USP24: variants seen among roughly 807,000 people sequenced by gnomAD.
USP24 encodes ubiquitin carboxyl-terminal hydrolase 24.
A neutral mutation model predicts 361.6 loss-of-function variants in USP24; 97 were observed. The ratio of observed to expected loss-of-function variants is 0.27; its 90% confidence interval spans 0.23 to 0.32. USP24 has a LOEUF of 0.32. Ranked by LOEUF, USP24 falls within the 10% of genes least tolerant of loss-of-function variation. USP24 has a pLI of 1.00. For synonymous variants in USP24, 1,098 were observed against 1,124.6 expected (o/e 0.98, Z 0.47); for missense variants, 2,353 against 3,165.6 (o/e 0.74, Z 6.16).
chr1:55,156,108 C>A (rs1647629881), intron 12 of USP24, among the ~76,000 whole-genome samples: 1 of 152,064 alleles, frequency 6.6e-6, no homozygotes, highest in Non-Finnish European at 1.5e-5. Context: ...CCAGGTTTTT[C>A]TCTGGCTTAC....
At chr1:55,101,128 T>A (rs1191788559) in intron 43 of USP24, among the ~76,000 whole-genome samples, 164 bp from the exon 44 acceptor site, 1 of 152,186 alleles carries the variant, frequency 6.6e-6, no homozygotes, top group Admixed American at 6.5e-5. Flanking sequence ...TCCTAGCTGG[T>A]GTAATTATGA....
intron 1 of USP24, among the ~76,000 whole-genome samples, chr1:55,205,969 GA>G (rs1459957868): frequency 1.3e-5 from 2 of 152,186 alleles, no homozygotes; most frequent in Non-Finnish European, 2.9e-5. Context: ...TCTAGTCTAA[GA>G]TGATGCCCAT....
rs1490411848 is a variant in USP24 at position 55,124,532 on chromosome 1, G to A, written c.4057C>T (p.Gln1353Ter). The change falls in exon 35 of 68, where the codon CAG becomes TAG. Residue 1353 changes from glutamine (Q) to a stop codon, truncating the protein, a stop_gained. Coordinates refer to ENST00000294383, the MANE Select transcript of USP24 (RefSeq NM_015306.3). LOFTEE classifies it high-confidence loss of function. ...AGRLDLVGSS[Q>*]PIKESNSLCP... ...AGGGAATTACTTTCTTTAATTGGCT[G>A]GCTACTCCCAACAAGATCAAGCCGT... The A allele has an allele frequency of 6.2e-7, 1 of 1,613,684 alleles. No homozygotes were observed. The highest frequency in any genetic ancestry group is 8.5e-7 in the Non-Finnish European group (1 of 1,179,854).
At position 55,146,042 on chromosome 1, in the gene USP24, T is replaced by C. The variant is rs769026923; in HGVS notation, c.2318A>G (p.Lys773Arg). Residue 773 changes from lysine (K) to arginine (R), a missense_variant, in exon 20 of 68, where the codon AAG becomes AGG. By Grantham distance (26) the Lys-to-Arg change is conservative. Around this residue, in one of 8 missense-constraint regions of USP24, gnomAD observed 949 missense variants for 1,280.5 expected, o/e 0.74. Coordinates refer to ENST00000294383, the MANE Select transcript of USP24 (RefSeq NM_015306.3). The stretch of plus-strand genomic sequence containing the variant: ...TGACTCCAATTTAAGAATTTTCTCC[T>C]TGAAGAGCTGCTGCTGAACATCACT... ...LESDVQQQLF[K>R]EKILKLESYE... The C allele has an allele frequency of 6.2e-7, 1 of 1,613,076 alleles. No individual in the cohort carries two copies. The highest frequency in any genetic ancestry group is 8.5e-7 in the Non-Finnish European group (1 of 1,179,474).
chr1:55,125,898 C>A lies in USP24; in HGVS notation c.3636-140G>T, dbSNP rs1646415325. On this transcript the variant is annotated intron_variant, in intron 32 of 67. Transcript: ENST00000294383. ...TGTCATAAAAAGAGCCTACATATATCTATCATAATAATTTCCTATGATACC... is the reference window on the plus strand; with the variant it reads ...TGTCATAAAAAGAGCCTACATATATATATCATAATAATTTCCTATGATACC... 5.8e-6 allele frequency: 4 copies of A among 691,158 alleles called. No homozygotes were observed. In the South Asian group the frequency reaches 8.6e-5, roughly 15 times the overall value. 42.8% of individuals were successfully genotyped at this position (691,158 alleles called of 1,614,324 possible).
At chr1:55,154,566 G>A (rs1281755688) in intron 13 of USP24, 100 bp from the exon 14 acceptor site, 10 of 1,469,984 alleles carry the variant, frequency 6.8e-6, no homozygotes, top group Non-Finnish European at 9.3e-6. Context: ...CGTAAGAAAA[G>A]TACATTTAAA....
In USP24 at chr1:55,068,016, C is replaced by T. The variant is rs1430598690; in HGVS notation, c.*1029G>A. The T allele has an allele frequency of 6.6e-6, 1 of 152,218 alleles. No homozygotes were observed. The highest frequency in any genetic ancestry group is 1.5e-5 in the Non-Finnish European group (1 of 68,048). 9.4% of individuals were successfully genotyped at this position (152,218 alleles called of 1,614,324 possible). A position where few individuals can be genotyped will look rare whatever the true frequency, so the allele number is the denominator to read the frequency against. ...AGAAACAAATTCTCAAATTCCTTCT[C>T]TGCATTACAATAACTATGAAACTCA... On this transcript the variant is annotated 3_prime_UTR_variant, in exon 68 of 68. Coordinates refer to ENST00000294383, the MANE Select transcript of USP24 (RefSeq NM_015306.3).
At chr1:55,192,528 T>C (rs1644316332) in intron 1 of USP24, among the ~76,000 whole-genome samples, 1 of 152,278 alleles carries the variant, frequency 6.6e-6, no homozygotes, top group South Asian at 2.1e-4. Flanking sequence ...CAGATTTGTC[T>C]ATTACTTGTG....
intron 17 of USP24, among the ~76,000 whole-genome samples, 198 bp downstream of exon 17, chr1:55,148,265 A>G (rs1647087068): frequency 7.0e-6 from 1 of 141,922 alleles, no homozygotes; most frequent in Non-Finnish European, 1.5e-5. Context: ...AAAATGAGTT[A>G]AGGAGATTAA....
chr1:55,166,570 T>C lies in USP24; in HGVS notation c.859A>G (p.Lys287Glu). The C allele has an allele frequency of 6.3e-7, 1 of 1,591,414 alleles. No homozygotes were observed. The highest frequency in any genetic ancestry group is 8.6e-7 in the Non-Finnish European group (1 of 1,168,568). Residue 287 changes from lysine to glutamate, a missense_variant and splice_region_variant, in exon 6 of 68, where the codon AAG (lysine) becomes GAG (glutamate). This residue lies in a region of USP24 where 386 missense variants were observed against 560.5 expected (regional missense o/e 0.69). Transcript: ENST00000294383. ...CAATATTAACAAAAGTCATATACCT[T>C]ATTTACCAAATCCACAACCCATCCA... is the stretch of plus-strand genomic sequence containing the variant. ...PHGWVVDLVN[K>E]FGELGGFAAI...
At chr1:55,185,644 T>C (rs569221307) in intron 1 of USP24, among the ~76,000 whole-genome samples, 93 of 152,144 alleles carry the variant, frequency 6.1e-4, no homozygotes, top group Non-Finnish European at 1.1e-3. Context: ...GACTGCAGCC[T>C]TGACCTTCTA....
intron 47 of USP24, 75 bp downstream of exon 47, chr1:55,097,868 G>A (rs1198373573): frequency 1.3e-6 from 2 of 1,530,384 alleles, no homozygotes; most frequent in East Asian, 2.3e-5. Context: ...GCTTAATACT[G>A]ATTTTACATA....
chr1:55,092,781 T>C, intron 53 of USP24, 40 bp downstream of exon 53: 1 of 1,382,106 alleles, frequency 7.2e-7, no homozygotes, highest in Middle Eastern at 1.8e-4. Flanking sequence ...TATTTAATTG[T>C]AACCCTTTCT....
chr1:55,113,498 C>A (rs1356953819), intron 38 of USP24, among the ~76,000 whole-genome samples: 1 of 152,102 alleles, frequency 6.6e-6, no homozygotes, highest in Non-Finnish European at 1.5e-5. Flanking sequence ...TTCCAAGCAA[C>A]AGAAAAAGAG....
At chr1:55,090,942 G>A (rs763895059) in intron 54 of USP24, among the ~76,000 whole-genome samples, 9 of 152,154 alleles carry the variant, frequency 5.9e-5, no homozygotes, top group Non-Finnish European at 1.0e-4. Flanking sequence ...AAAATTTGCC[G>A]GGTGTGGTGG....
chr1:55,211,287 G>A (rs546465500), intron 1 of USP24, among the ~76,000 whole-genome samples: 112 of 152,302 alleles, frequency 7.4e-4, no homozygotes, highest in Non-Finnish European at 1.4e-3. Context: ...CTTATGTGCC[G>A]TGGAATGATT....
intron 1 of USP24, among the ~76,000 whole-genome samples, chr1:55,199,514 G>A (rs1455359230): frequency 6.6e-6 from 1 of 151,722 alleles, no homozygotes; most frequent in Non-Finnish European, 1.5e-5. Flanking sequence ...TTTGTCCTTA[G>A]GAGATTCACA....
chr1:55,097,384 T>C (rs1014091330), intron 48 of USP24, among the ~76,000 whole-genome samples: 26 of 152,312 alleles, frequency 1.7e-4, no homozygotes, highest in South Asian at 2.1e-4. Flanking sequence ...TTTTCCTTCA[T>C]AGTAATCACT....
At chr1:55,158,018 C>T (rs768330334) in intron 10 of USP24, among the ~76,000 whole-genome samples, 27 of 152,250 alleles carry the variant, frequency 1.8e-4, no homozygotes, top group Non-Finnish European at 2.5e-4. Flanking sequence ...GTGAGTCAGT[C>T]CCTCTCCGGT....
Sources: gnomAD v4.1 joint callset for allele counts (sites outside exome capture counted in the v4.1 genomes callset) on GRCh38, gnomAD v4.1.1 for gene constraint, gnomAD v4.1.1 regional missense constraint, MANE v1.5 for transcripts, NCBI Gene and HGNC (gene_info 2026-07-23, HGNC 2026-07-21) for gene names.